The following ERBB4 variants were observed in gnomAD, a reference collection of about 807,000 sequenced individuals.
ERBB4 encodes receptor tyrosine-protein kinase erbB-4.
Under a neutral mutation model 158.0 loss-of-function variants are expected in ERBB4, and 42 were observed. That is an observed-to-expected ratio of 0.27 (90% CI 0.21 to 0.34). The LOEUF is 0.34. Ranked by LOEUF, ERBB4 falls within the 10% of genes least tolerant of loss-of-function variation. ERBB4 has a pLI of 1.00. For missense variants in ERBB4, 1,333 were observed against 1,624.1 expected, an observed-to-expected ratio of 0.82 and a Z score of 3.08; for synonymous variants, 583 against 558.7, an observed-to-expected ratio of 1.04 and a Z score of -0.61.
chr2:212,510,875 T>C (rs1304086958), intron 1 of ERBB4, among the ~76,000 whole-genome samples: 5 of 152,110 alleles, frequency 3.3e-5, no homozygotes, highest in African/African-American at 9.6e-5. Context: ...TAAAGAAAGA[T>C]TATTTTCCAA....
At chr2:211,631,299 T>C (rs1027445057) in intron 16 of ERBB4, among the ~76,000 whole-genome samples, 3 of 151,820 alleles carry the variant, frequency 2.0e-5, no homozygotes, top group African/African-American at 7.3e-5. Flanking sequence ...AATAAGAGAG[T>C]TATTATTGCC....
chr2:212,107,801 A>G (rs1345859743), intron 2 of ERBB4, among the ~76,000 whole-genome samples: 1 of 152,180 alleles, frequency 6.6e-6, no homozygotes, highest in African/African-American at 2.4e-5. Flanking sequence ...AATAAGTCTC[A>G]AGAGATCTGA....
intron 19 of ERBB4, among the ~76,000 whole-genome samples, chr2:211,569,805 T>C (rs972842898): frequency 1.3e-5 from 2 of 152,188 alleles, no homozygotes; most frequent in East Asian, 3.9e-4. Context: ...ATGTAGGGCC[T>C]TGCAGTCATA....
At chr2:211,907,260 A>C (rs1355383197) in intron 3 of ERBB4, among the ~76,000 whole-genome samples, 1 of 151,804 alleles carries the variant, frequency 6.6e-6, no homozygotes, top group Non-Finnish European at 1.5e-5. Context: ...AGAGAAAGGC[A>C]CTGGGAATCT....
intron 3 of ERBB4, among the ~76,000 whole-genome samples, chr2:211,928,286 T>C (rs1221844765): frequency 2.6e-5 from 4 of 152,082 alleles, no homozygotes; most frequent in African/African-American, 4.8e-5. Flanking sequence ...ATAATCATTG[T>C]AACCTTTTAT....
At position 211,933,723 on chromosome 2, in the gene ERBB4, A is replaced by G; in HGVS notation, c.421+13707T>C. 1.3e-5 allele frequency among the ~76,000 whole-genome samples: 2 copies of G among 152,006 alleles called. 1 individual carries two copies. The highest frequency in any genetic ancestry group is 2.9e-5 in the Non-Finnish European group (2 of 67,914). On this transcript the variant is annotated intron_variant, in intron 3 of 27. Coordinates refer to ENST00000342788, the MANE Select transcript of ERBB4 (RefSeq NM_005235.3). Reference sequence around the variant, plus strand: ...GAAAAACCCTCATCTTAAGTAAATTATTTATTCTCTCTGGGACTCAGTTTC... The same window carrying G: ...GAAAAACCCTCATCTTAAGTAAATTGTTTATTCTCTCTGGGACTCAGTTTC...
At chr2:211,661,665 A>G (rs1238824322) in intron 15 of ERBB4, among the ~76,000 whole-genome samples, 2 of 152,160 alleles carry the variant, frequency 1.3e-5, no homozygotes, top group African/African-American at 4.8e-5. Context: ...AAACTTCCAC[A>G]AGCAGCCCTT....
chr2:212,189,554 G>C lies in ERBB4; in HGVS notation c.83-64651C>G, dbSNP rs2082127212. ...ATTCTTTCAAGGCTCTTTCTTGAGA[G>C]CGACATATCAAAGAGCTAGTAATAA... On this transcript the variant is annotated intron_variant, in intron 1 of 27. Coordinates refer to ENST00000342788, the MANE Select transcript of ERBB4 (RefSeq NM_005235.3). 2.0e-5 allele frequency among the ~76,000 whole-genome samples: 3 copies of C among 152,206 alleles called. No homozygotes were observed. In the South Asian group the frequency reaches 6.2e-4, roughly 32 times the overall value.
At chr2:211,645,932 C>CAT (rs951600189) in intron 16 of ERBB4, among the ~76,000 whole-genome samples, 5 of 151,502 alleles carry the variant, frequency 3.3e-5, no homozygotes, top group African/African-American at 1.2e-4. Flanking sequence ...GATACACACA[C>CAT]ATATATATGT....
rs79525824 is a variant in ERBB4, at chr2:211,511,461, A to G, written c.2487+50442T>C. On this transcript the variant is annotated intron_variant, in intron 20 of 27. Transcript: ENST00000342788. ...AGTAACACAAAAATGAAAATGAACC[A>G]TGAGTATTACTGAAAGAGAATAATT... Among the ~76,000 whole-genome samples, 109 of 152,262 alleles carry G rather than the reference A, an allele frequency of 7.2e-4. No individual in the cohort carries two copies. In the East Asian group the frequency reaches 0.021, roughly 29 times the overall value.
At chr2:211,563,814 G>A (rs939856461) in intron 19 of ERBB4, among the ~76,000 whole-genome samples, 4 of 152,096 alleles carry the variant, frequency 2.6e-5, no homozygotes, top group Non-Finnish European at 5.9e-5. Flanking sequence ...TGTTTTTGAT[G>A]TGTCTATACA....
intron 2 of ERBB4, among the ~76,000 whole-genome samples, chr2:211,994,863 A>G (rs1379160696): frequency 6.6e-6 from 1 of 152,198 alleles, no homozygotes; most frequent in Admixed American, 6.5e-5. Flanking sequence ...TATTTTGCAA[A>G]AACACACTCC....
chr2:212,323,751 G>C (rs1270542350), intron 1 of ERBB4, among the ~76,000 whole-genome samples: 1 of 150,162 alleles, frequency 6.7e-6, no homozygotes, highest in Non-Finnish European at 1.5e-5. Context: ...TTATCTTTTG[G>C]AGCCATGTAC....
chr2:211,593,947 C>T (rs534662911), intron 19 of ERBB4, among the ~76,000 whole-genome samples: 13 of 152,196 alleles, frequency 8.5e-5, no homozygotes, highest in South Asian at 2.1e-4. Context: ...CCACAGCTAC[C>T]GAAAGAGTTA....
At chr2:212,191,579 G>GTTATA (rs1559701500) in intron 1 of ERBB4, among the ~76,000 whole-genome samples, 1 of 127,952 alleles carries the variant, frequency 7.8e-6, no homozygotes, top group Non-Finnish European at 1.7e-5. Flanking sequence ...CATGTGTTAT[G>GTTATA]CCTGTTATAT....
intron 1 of ERBB4, among the ~76,000 whole-genome samples, chr2:212,338,962 T>G (rs1300461580): frequency 6.6e-6 from 1 of 152,168 alleles, no homozygotes; most frequent in East Asian, 1.9e-4. Context: ...ATAATTAAGA[T>G]GAAAATATCA....
intron 1 of ERBB4, among the ~76,000 whole-genome samples, chr2:212,231,684 A>T (rs867231954): frequency 6.6e-6 from 1 of 152,206 alleles, no homozygotes; most frequent in African/African-American, 2.4e-5. Context: ...ATTAGGATAG[A>T]TAAGACCCAG....
intron 2 of ERBB4, among the ~76,000 whole-genome samples, chr2:212,032,843 T>C (rs972643864): frequency 4.6e-5 from 7 of 151,854 alleles, no homozygotes; most frequent in African/African-American, 1.7e-4. Context: ...GAAATATTTA[T>C]ATGGAACTGA....
intron 1 of ERBB4, among the ~76,000 whole-genome samples, chr2:212,214,844 G>C (rs1301024372): frequency 4.0e-5 from 6 of 151,546 alleles, no homozygotes; most frequent in Non-Finnish European, 5.9e-5. Flanking sequence ...CCCCTAAATA[G>C]ACACAACTCT....
Sources: gnomAD v4.1 joint callset for allele counts (sites outside exome capture counted in the v4.1 genomes callset) on GRCh38, gnomAD v4.1.1 for gene constraint, MANE v1.5 for transcripts, NCBI Gene and HGNC (gene_info 2026-07-23, HGNC 2026-07-21) for gene names.